The following GRAMD1A variants were observed in gnomAD, a reference collection of about 807,000 sequenced individuals.
The protein encoded by GRAMD1A is protein Aster-A.
A neutral mutation model predicts 92.0 loss-of-function variants in GRAMD1A; 50 were observed. That is an observed-to-expected ratio of 0.54 (90% CI 0.43 to 0.69). GRAMD1A has a LOEUF of 0.69. Ranked by LOEUF, GRAMD1A falls within the 30% of genes least tolerant of loss-of-function variation. GRAMD1A has a pLI of 0.00. For synonymous variants in GRAMD1A, 405 were observed against 403.6 expected, an observed-to-expected ratio of 1.00 and a Z score of -0.04; for missense variants, 819 against 978.9, an observed-to-expected ratio of 0.84 and a Z score of 2.18.
In GRAMD1A at chr19:35,013,367, G is replaced by A. The variant is rs1352524780; in HGVS notation, c.718G>A (p.Gly240Arg). The A allele has an allele frequency of 6.4e-7, 1 of 1,551,392 alleles. No homozygotes were observed. The highest frequency in any genetic ancestry group is 1.9e-5 in the Admixed American group (1 of 51,904). The change falls in exon 8 of 20, where the codon GGG becomes AGG. Residue 240 changes from glycine to arginine, a missense_variant and splice_region_variant. Physicochemically the swap from Gly to Arg is moderately radical, Grantham distance 125. Around this residue, in one of 3 missense-constraint regions of GRAMD1A, gnomAD observed 577 missense variants for 674.6 expected, o/e 0.86. Transcript: ENST00000317991. This position sits in a 1 kb window ranked among gnomAD's most constrained non-coding sequence, Gnocchi z 4.9. ...YVSPLQLNGLGTPKEVGDVIA... is the reference protein window; with the variant it reads ...YVSPLQLNGLRTPKEVGDVIA... ...CTCCCCCTTGCAGCTGAACGGTCTGGGGTGAGTTGGAGGTCAAAGGAGGTT... is the reference window on the plus strand; with the variant it reads ...CTCCCCCTTGCAGCTGAACGGTCTGAGGTGAGTTGGAGGTCAAAGGAGGTT...
At chr19:35,012,448 C>T (rs1186357435) in intron 7 of GRAMD1A, among the ~76,000 whole-genome samples, 1 of 152,270 alleles carries the variant, frequency 6.6e-6, no homozygotes, top group Non-Finnish European at 1.5e-5. Flanking sequence ...TCATCACTTA[C>T]TGTTAACTGT....
Position 35,013,421 on chromosome 19 carries a change from G to A in GRAMD1A, c.719+53G>A, listed in dbSNP as rs1324612692. The A allele has an allele frequency of 6.0e-6, 9 of 1,502,272 alleles. No homozygotes were observed. The highest frequency in any genetic ancestry group is 1.2e-5 in the South Asian group (1 of 86,828). 93.1% of individuals were successfully genotyped at this position (1,502,272 alleles called of 1,614,324 possible). A position where few individuals can be genotyped will look rare whatever the true frequency, so the allele number is the denominator to read the frequency against. On this transcript the variant is annotated intron_variant, in intron 8 of 19. Coordinates refer to ENST00000317991, the MANE Select transcript of GRAMD1A (RefSeq NM_020895.5). This position sits in a 1 kb window ranked among gnomAD's most constrained non-coding sequence, Gnocchi z 4.9. ...GGGTTCGGGGGAGAACAGGACGGTCGGCGTGCAGAGTTCCTGGAGTGCTGG... is the reference window on the plus strand; with the variant it reads ...GGGTTCGGGGGAGAACAGGACGGTCAGCGTGCAGAGTTCCTGGAGTGCTGG...
intron 1 of GRAMD1A, among the ~76,000 whole-genome samples, chr19:35,006,910 G>T (rs1339390077): frequency 1.3e-5 from 2 of 152,230 alleles, no homozygotes; most frequent in Non-Finnish European, 2.9e-5. Context: ...AGGGGACAGA[G>T]CTGGTGATGC....
In GRAMD1A at chr19:35,005,814, T is replaced by G. The variant is rs547651953; in HGVS notation, c.9-3305T>G. The G allele has an allele frequency of 1.0e-3, 456 of 454,800 alleles. 6 individuals carry two copies. The highest frequency in any genetic ancestry group is 7.0e-3 in the South Asian group (449 of 64,502). The allele number at this position is 454,800 out of a possible 1,614,324, so 28.2% of individuals were successfully genotyped here. ...GCCCAGAGTAGTCCAGGATGGGAGCTGCCCAGGGGACTGTGGGGTCACGCA... is the reference window on the plus strand; with the variant it reads ...GCCCAGAGTAGTCCAGGATGGGAGCGGCCCAGGGGACTGTGGGGTCACGCA... On this transcript the variant is annotated intron_variant, in intron 1 of 19. Transcript: ENST00000317991.
upstream of GRAMD1A, chr19:34,996,139 C>T (rs1446089657): frequency 8.5e-6 from 13 of 1,535,968 alleles, no homozygotes; most frequent in Admixed American, 2.0e-5. Context: ...GTGACAGGGC[C>T]CAGGGCCTGG....
chr19:34,996,742 G>C (rs2014052312), upstream of GRAMD1A, among the ~76,000 whole-genome samples: 2 of 150,786 alleles, frequency 1.3e-5, no homozygotes, highest in Non-Finnish European at 2.9e-5. Context: ...GTAGGCGGAG[G>C]TTGCAGTGAG....
Position 35,021,788 on chromosome 19 carries a change from G to A in GRAMD1A, c.1677G>A (p.Leu559=). 6.2e-7 allele frequency: 1 copy of A among 1,611,752 alleles called. No individual in the cohort carries two copies. The highest frequency in any genetic ancestry group is 8.5e-7 in the Non-Finnish European group (1 of 1,179,230). ...LSGLRRRKRP[L]SWRAHGDGPQ... is the part of the protein sequence containing the mutation. Reference sequence around the variant, plus strand: ...GCCTGCGGCGGCGGAAGCGGCCCCTGAGCTGGCGGGCTCACGGGGACGGGC... The same window carrying A: ...GCCTGCGGCGGCGGAAGCGGCCCCTAAGCTGGCGGGCTCACGGGGACGGGC... The change falls in exon 15 of 20, where the codon CTG becomes CTA. Residue 559 remains leucine, a synonymous_variant. Transcript: ENST00000317991. The surrounding 1 kb of genome is among the most constrained non-coding windows in gnomAD (Gnocchi z 5.3).
At chr19:35,005,654 C>T (rs892324612) in intron 1 of GRAMD1A, among the ~76,000 whole-genome samples, 30 of 152,098 alleles carry the variant, frequency 2.0e-4, no homozygotes, top group African/African-American at 6.8e-4. Context: ...ATTTTATTCA[C>T]GTATTTTATT....
chr19:35,004,217 C>T (rs1000093038), intron 1 of GRAMD1A, among the ~76,000 whole-genome samples: 3 of 152,004 alleles, frequency 2.0e-5, no homozygotes, highest in African/African-American at 4.8e-5. Context: ...CCCAGGAGTT[C>T]GGAGCTGCCG....
At chr19:35,004,029 C>G (rs2014612168) in intron 1 of GRAMD1A, among the ~76,000 whole-genome samples, 1 of 152,144 alleles carries the variant, frequency 6.6e-6, no homozygotes, top group Admixed American at 6.6e-5. Flanking sequence ...GAGTTTGAGA[C>G]CAGCCTGGGC....
At chr19:35,010,015 T>C (rs11084797) in intron 4 of GRAMD1A, 43 bp downstream of exon 4, 626,027 of 1,535,642 alleles carry the variant, frequency 0.41, 130,873 homozygotes, top group African/African-American at 0.59. Flanking sequence ...CCCAGCCCTG[T>C]GACTCTCCGC....
intron 11 of GRAMD1A, among the ~76,000 whole-genome samples, chr19:35,017,253 T>C (rs926324059): frequency 2.0e-5 from 3 of 152,060 alleles, no homozygotes; most frequent in Non-Finnish European, 4.4e-5. Context: ...TGTGGAACTG[T>C]GAACCCATTA....
rs753565591 is a variant in GRAMD1A, at chr19:35,009,112, C to T, written c.9-7C>T. The T allele has an allele frequency of 5.0e-6, 8 of 1,596,436 alleles. No individual in the cohort carries two copies. In the Admixed American group the frequency reaches 1.2e-4, roughly 23 times the overall value. Reference sequence around the variant, plus strand: ...GTTAACACTTCTCTTCCTCTTCCTGCCCCCAGCACCACACCCCACTCTGGC... The same window carrying T: ...GTTAACACTTCTCTTCCTCTTCCTGTCCCCAGCACCACACCCCACTCTGGC... On this transcript the variant is annotated splice_polypyrimidine_tract_variant and splice_region_variant and intron_variant, in intron 1 of 19. Coordinates refer to ENST00000317991, the MANE Select transcript of GRAMD1A (RefSeq NM_020895.5).
chr19:35,011,448 CCTCTCTCT>C lies in GRAMD1A; in HGVS notation c.526-16_526-9del. The C allele has an allele frequency of 7.0e-7, 1 of 1,429,574 alleles. No homozygotes were observed. The highest frequency in any genetic ancestry group is 9.6e-7 in the Non-Finnish European group (1 of 1,038,016). The allele number at this position is 1,429,574 out of a possible 1,614,324, so 88.6% of individuals were successfully genotyped here. A position where few individuals can be genotyped will look rare whatever the true frequency, so the allele number is the denominator to read the frequency against. ...CTGGTCGCTCCCCAACCTGCTCACA[CCTCTCTCT>C]CTCTCTCTCCCTGACAGCATTTCTT... On this transcript the variant is annotated intron_variant, in intron 6 of 19. Transcript: ENST00000317991.
rs768203100 is a variant in GRAMD1A at position 35,009,463 on chromosome 19, G to T, written c.240+20G>T. 1.2e-6 allele frequency: 2 copies of T among 1,613,512 alleles called. No homozygotes were observed. Among genetic ancestry groups the T allele is most frequent in the Non-Finnish European group, 1.7e-6 (2 of 1,179,712 alleles). On this transcript the variant is annotated intron_variant, in intron 3 of 19. Coordinates refer to ENST00000317991, the MANE Select transcript of GRAMD1A (RefSeq NM_020895.5). ...TACAGTGTAAGTGTCTGGGCAAGGG[G>T]CTTGCTGGAGGGCTGGGAGGACCGG...
chr19:35,003,190 G>C (rs1441094563), intron 1 of GRAMD1A, among the ~76,000 whole-genome samples: 2 of 151,416 alleles, frequency 1.3e-5, no homozygotes, highest in East Asian at 2.0e-4. Flanking sequence ...ATATGAGAGA[G>C]AGAGAGAGGA....
In GRAMD1A at chr19:35,021,765, CT is replaced by C; in HGVS notation, c.1655del (p.Leu552ArgfsTer8). Reference protein sequence around the residue: ...GKDARGLLSGLRRRKRPLSWR... With the variant: ...GKDARGLLSGXRRRKRPLSWR... ...GGATGCCCGGGGCTTGCTATCCGGC[CT>C]GCGGCGGCGGAAGCGGCCCCTGAGC... is the stretch of plus-strand genomic sequence containing the variant. On this transcript the variant is annotated frameshift_variant, in exon 15 of 20. Coordinates refer to ENST00000317991, the MANE Select transcript of GRAMD1A (RefSeq NM_020895.5). LOFTEE classifies it high-confidence loss of function. The surrounding 1 kb of genome is among the most constrained non-coding windows in gnomAD (Gnocchi z 5.3). 1.2e-6 allele frequency: 2 copies of C among 1,613,274 alleles called. No homozygotes were observed. The highest frequency in any genetic ancestry group is 1.7e-6 in the Non-Finnish European group (2 of 1,179,818).
At position 35,009,115 on chromosome 19, in the gene GRAMD1A, C is replaced by T; in HGVS notation, c.9-4C>T. 1 of 1,606,758 alleles carries T rather than the reference C, an allele frequency of 6.2e-7. No individual in the cohort carries two copies. Among genetic ancestry groups the T allele is most frequent in the Non-Finnish European group, 8.5e-7 (1 of 1,173,430 alleles). On this transcript the variant is annotated splice_polypyrimidine_tract_variant and splice_region_variant and intron_variant, in intron 1 of 19. Transcript: ENST00000317991. ...AACACTTCTCTTCCTCTTCCTGCCCCCAGCACCACACCCCACTCTGGCCGG... is the reference window on the plus strand; with the variant it reads ...AACACTTCTCTTCCTCTTCCTGCCCTCAGCACCACACCCCACTCTGGCCGG...
rs750870899 is a variant in GRAMD1A, at chr19:35,023,261, G to A, written c.1879G>A (p.Val627Ile). ...CCTTATCATCCTCATCGCCCTCAACGTCCTGCTCTTCTACCGCCTCTGGTC... is the reference window on the plus strand; with the variant it reads ...CCTTATCATCCTCATCGCCCTCAACATCCTGCTCTTCTACCGCCTCTGGTC... ...VSLIILIALNVLLFYRLWSLE... is the reference protein window; with the variant it reads ...VSLIILIALNILLFYRLWSLE... The change falls in exon 18 of 20, where the codon GTC becomes ATC. Residue 627 changes from valine (V) to isoleucine (I), a missense_variant. Val to Ile is a conservative substitution (Grantham distance 29). This residue lies in a region of GRAMD1A where 577 missense variants were observed against 674.6 expected (regional missense o/e 0.86). Transcript: ENST00000317991. The A allele has an allele frequency of 1.6e-5, 26 of 1,613,914 alleles. No homozygotes were observed. Among genetic ancestry groups the A allele is most frequent in the Middle Eastern group, 1.6e-4 (1 of 6,084 alleles).
Sources: gnomAD v4.1 joint callset for allele counts (sites outside exome capture counted in the v4.1 genomes callset) on GRCh38, gnomAD v4.1.1 for gene constraint, gnomAD v4.1.1 regional missense constraint, Gnocchi (gnomAD v3.1) non-coding constraint, MANE v1.5 for transcripts, NCBI Gene and HGNC (gene_info 2026-07-23, HGNC 2026-07-21) for gene names.